The following ADAP1 variants were observed in gnomAD, a reference collection of about 807,000 sequenced individuals.
ADAP1 encodes the protein arf-GAP with dual PH domain-containing protein 1.
In ADAP1, 31 loss-of-function variants were observed where a neutral mutation model predicts 54.9. The observed-to-expected ratio is 0.56, with a 90% confidence interval of 0.42 to 0.76. The LOEUF (loss-of-function observed/expected upper bound fraction) is 0.76. ADAP1 is among the 30% of genes least tolerant of loss of function. The pLI, the probability that ADAP1 is intolerant of heterozygous loss-of-function variation, is 0.00. For missense variants in ADAP1, 535 were observed against 512.4 expected (o/e 1.04, Z -0.42); for synonymous variants, 313 against 202.6 (o/e 1.55, Z -4.63).
intron 3 of ADAP1, among the ~76,000 whole-genome samples, chr7:921,229 GTCCTCACC>G (rs1562926714): frequency 6.6e-6 from 1 of 152,204 alleles, no homozygotes; most frequent in African/African-American, 2.4e-5. Flanking sequence ...CCTCGGCGCC[GTCCTCACC>G]TGGCCTTCCC....
intron 4 of ADAP1, among the ~76,000 whole-genome samples, chr7:906,696 T>TGGACAGG (rs1845421423): frequency 4.0e-5 from 1 of 25,042 alleles, no homozygotes; most frequent in African/African-American, 2.2e-4. Flanking sequence ...ACGGGGGACA[T>TGGACAGG]GGACATGGGG....
chr7:912,217 G>A (rs575145819), intron 4 of ADAP1, among the ~76,000 whole-genome samples: 2 of 152,164 alleles, frequency 1.3e-5, no homozygotes, highest in South Asian at 2.1e-4. Context: ...GGAGCACGGG[G>A]TCCGGAGCCT....
chr7:931,455 C>T (rs950819107), intron 2 of ADAP1, among the ~76,000 whole-genome samples: 18 of 152,214 alleles, frequency 1.2e-4, no homozygotes, highest in Middle Eastern at 3.4e-3. Context: ...GACCTGGCAC[C>T]GCGGGAAAGG....
At chr7:905,761 GGGAGAAAGGAGAAA>G (rs1562912869) in intron 4 of ADAP1, 1 of 5,306 alleles carries the variant, frequency 1.9e-4, no homozygotes, top group Admixed American at 1.7e-3. Flanking sequence ...GAAGGGAGAA[GGGAGAAAGGAGAAA>G]GGAGAAAGGA....
In ADAP1 at chr7:926,619, G is replaced by T. The variant is rs1047714903; in HGVS notation, c.239C>A (p.Ala80Asp). 9.7e-6 allele frequency: 15 copies of T among 1,544,908 alleles called. No homozygotes were observed. In the African/African-American group the frequency reaches 2.1e-4, roughly 21 times the overall value. Residue 80 changes from alanine (A) to aspartate (D), a missense_variant, in exon 3 of 11, where the codon GCC (alanine) becomes GAC (aspartate). By Grantham distance (126) the Ala-to-Asp change is moderately radical (BLOSUM62 -2). Coordinates refer to ENST00000265846, the MANE Select transcript of ADAP1 (RefSeq NM_006869.4). The surrounding 1 kb of genome is among the most constrained non-coding windows in gnomAD (Gnocchi z 4.6). ...VEFMASHGND[A>D]ARARFESKVP... ...TTTGGACTCAAACCTGGCTCTCGCG[G>T]CGTCGTTCCCGTGGGAGGCCATGAA...
Position 946,572 on chromosome 7 carries a change from C to G in ADAP1, c.82+7824G>C, listed in dbSNP as rs1429614972. ...TCTGCCCTGCCCCTGCCCTCCCACCCTCTCTCCCTCCTGGTGCTCCAGCCC... is the reference window on the plus strand; with the variant it reads ...TCTGCCCTGCCCCTGCCCTCCCACCGTCTCTCCCTCCTGGTGCTCCAGCCC... On this transcript the variant is annotated intron_variant, in intron 1 of 10. Coordinates refer to ENST00000265846, the MANE Select transcript of ADAP1 (RefSeq NM_006869.4). This position sits in a 1 kb window ranked among gnomAD's most constrained non-coding sequence, Gnocchi z 4.3. Among the ~76,000 whole-genome samples the G allele has an allele frequency of 2.0e-5, 3 of 152,046 alleles. No individual in the cohort carries two copies. The highest frequency in any genetic ancestry group is 4.4e-5 in the Non-Finnish European group (3 of 67,948).
At chr7:902,792 C>T (rs1844888021) in intron 6 of ADAP1, among the ~76,000 whole-genome samples, 1 of 141,906 alleles carries the variant, frequency 7.0e-6, no homozygotes, top group Non-Finnish European at 1.6e-5. Context: ...CTTGCCAACA[C>T]ACGCACAGCA....
At chr7:902,985 C>G (rs143304161) in intron 6 of ADAP1, among the ~76,000 whole-genome samples, 1 of 152,190 alleles carries the variant, frequency 6.6e-6, no homozygotes, top group Non-Finnish European at 1.5e-5. Context: ...AGGCACATCA[C>G]TTCTACCAAG....
chr7:905,663 G>C, intron 4 of ADAP1: 1 of 164,562 alleles, frequency 6.1e-6, no homozygotes, highest in African/African-American at 3.3e-5. Context: ...GGAGAAAGGA[G>C]AAAGGAGAAA....
At chr7:933,292 G>A (rs1846640604) in intron 2 of ADAP1, among the ~76,000 whole-genome samples, 1 of 151,844 alleles carries the variant, frequency 6.6e-6, no homozygotes, top group Non-Finnish European at 1.5e-5. Flanking sequence ...AGAATTCCTG[G>A]GCTCAAACAA....
At chr7:929,664 C>T (rs1846504590) in intron 2 of ADAP1, among the ~76,000 whole-genome samples, 1 of 151,616 alleles carries the variant, frequency 6.6e-6, no homozygotes, top group Non-Finnish European at 1.5e-5. Flanking sequence ...GTGGTGAGTA[C>T]CGGCTGTGTT....
At chr7:932,703 AG>A (rs1846623136) in intron 2 of ADAP1, among the ~76,000 whole-genome samples, 1 of 152,182 alleles carries the variant, frequency 6.6e-6, no homozygotes, top group African/African-American at 2.4e-5. Flanking sequence ...GGGTCAGTGA[AG>A]GTGGGTCGAA....
At chr7:906,775 CAGGGGACACG>C (rs1845462437) in intron 4 of ADAP1, among the ~76,000 whole-genome samples, 1 of 11,878 alleles carries the variant, frequency 8.4e-5, no homozygotes, top group African/African-American at 3.9e-4. Flanking sequence ...ACATGGGGGA[CAGGGGACACG>C]GGGGACGGGA....
intron 4 of ADAP1, 187 bp from the exon 5 acceptor site, chr7:905,359 G>GGAAAGGGAAAGGAGAAAGGAGAAAGGA (rs1554271706): frequency 6.6e-6 from 1 of 151,158 alleles, no homozygotes; most frequent in Non-Finnish European, 1.1e-5. Flanking sequence ...AGATGGGCAG[G>GGAAAGGGAAAGGAGAAAGGAGAAAGGA]GAAAGGGAAA....
chr7:943,955 G>A (rs76710067), intron 1 of ADAP1, among the ~76,000 whole-genome samples: 1 of 151,924 alleles, frequency 6.6e-6, no homozygotes, highest in Non-Finnish European at 1.5e-5. Context: ...TTGCTCTGTT[G>A]CCCAGGCTTG....
intron 6 of ADAP1, chr7:900,855 G>GT: frequency 1.6e-6 from 1 of 610,840 alleles, no homozygotes; most frequent in East Asian, 3.2e-5. Context: ...CTCCCCCGGC[G>GT]AAGTCCTGAG....
intron 1 of ADAP1, 25 bp from the exon 2 acceptor site, chr7:935,530 C>A: frequency 1.3e-6 from 2 of 1,556,530 alleles, no homozygotes; most frequent in Non-Finnish European, 1.7e-6. Context: ...CGGACGTTCA[C>A]GGAGGCTCAG....
chr7:930,251 G>A (rs1021569951), intron 2 of ADAP1, among the ~76,000 whole-genome samples: 2 of 150,840 alleles, frequency 1.3e-5, no homozygotes, highest in African/African-American at 2.4e-5. Flanking sequence ...GAGCAAATTC[G>A]AAAGACAACC....
At chr7:902,556 C>T (rs1487859838) in intron 6 of ADAP1, among the ~76,000 whole-genome samples, 1 of 151,052 alleles carries the variant, frequency 6.6e-6, no homozygotes, top group Admixed American at 6.6e-5. Context: ...GAAACAAAAC[C>T]CTCAACACAG....
Sources: allele counts gnomAD v4.1 joint callset (sites outside exome capture counted in the v4.1 genomes callset), GRCh38; gene constraint gnomAD v4.1.1; non-coding constraint Gnocchi (gnomAD v3.1); transcripts MANE v1.5; gene names NCBI Gene and HGNC (gene_info 2026-07-23, HGNC 2026-07-21).